GHR: variants seen among roughly 807,000 people sequenced by gnomAD.
The protein encoded by GHR is growth hormone receptor.
In GHR, 35 loss-of-function variants were observed where a neutral mutation model predicts 67.1. The ratio of observed to expected loss-of-function variants is 0.52; its 90% confidence interval spans 0.40 to 0.69. The LOEUF (loss-of-function observed/expected upper bound fraction) is 0.69. Ranked by LOEUF, GHR falls within the 30% of genes least tolerant of loss-of-function variation. The probability of loss-of-function intolerance (pLI) is 0.00; values close to 1 mark genes in which losing one functional copy is unlikely to be tolerated. For synonymous variants in GHR, 272 were observed against 269.1 expected (o/e 1.01, Z -0.10); for missense variants, 792 against 764.6 (o/e 1.04, Z -0.42).
intron 6 of GHR, among the ~76,000 whole-genome samples, chr5:42,700,658 T>C (rs563008744): frequency 1.3e-5 from 2 of 152,182 alleles, no homozygotes; most frequent in Non-Finnish European, 2.9e-5. Context: ...GCTCCCAATA[T>C]AACTAATTCT....
intron 1 of GHR, among the ~76,000 whole-genome samples, chr5:42,434,971 A>G (rs551973241): frequency 2.6e-5 from 4 of 152,318 alleles, no homozygotes; most frequent in African/African-American, 9.6e-5. Flanking sequence ...CTCTCAGCCA[A>G]TTAAACTCTC....
At chr5:42,496,364 G>T (rs1347912944) in intron 1 of GHR, among the ~76,000 whole-genome samples, 6 of 152,014 alleles carry the variant, frequency 3.9e-5, no homozygotes, top group Admixed American at 3.9e-4. Context: ...AGAAGGTTTA[G>T]CAAATTGGAG....
intron 2 of GHR, among the ~76,000 whole-genome samples, chr5:42,623,194 C>G (rs917697225): frequency 6.6e-6 from 1 of 151,934 alleles, no homozygotes; most frequent in African/African-American, 2.4e-5. Context: ...TATATAGATA[C>G]TTTTACTCTC....
chr5:42,669,741 G>T (rs72754967), intron 3 of GHR, among the ~76,000 whole-genome samples: 6,325 of 152,080 alleles, frequency 0.042, 193 homozygotes, highest in Non-Finnish European at 0.061. Flanking sequence ...ACAACAAACT[G>T]TATGAAAAAG....
intron 1 of GHR, among the ~76,000 whole-genome samples, chr5:42,513,616 C>T (rs182104597): frequency 3.4e-4 from 51 of 152,194 alleles, no homozygotes; most frequent in African/African-American, 1.1e-3. Flanking sequence ...AACCTTGTCG[C>T]TACTGAAAAT....
At chr5:42,545,532 A>G (rs987635541) in intron 1 of GHR, among the ~76,000 whole-genome samples, 1 of 152,200 alleles carries the variant, frequency 6.6e-6, no homozygotes, top group Non-Finnish European at 1.5e-5. Flanking sequence ...AGAAAAAAAT[A>G]TCAAAATTAG....
chr5:42,717,722 T>A (rs1454348860), intron 8 of GHR, among the ~76,000 whole-genome samples: 1 of 152,192 alleles, frequency 6.6e-6, no homozygotes, highest in East Asian at 1.9e-4. Flanking sequence ...CAGCTTTAGA[T>A]GAAATTAAAT....
At chr5:42,474,336 A>AGAGAAAGAAAGAAG (rs1745194503) in intron 1 of GHR, among the ~76,000 whole-genome samples, 1 of 147,706 alleles carries the variant, frequency 6.8e-6, no homozygotes, top group African/African-American at 2.4e-5. Context: ...AAAGAAAGAA[A>AGAGAAAGAAAGAAG]GAAAAGAAAT....
intron 2 of GHR, among the ~76,000 whole-genome samples, chr5:42,586,601 C>A (rs1269402557): frequency 6.6e-6 from 1 of 152,264 alleles, no homozygotes; most frequent in East Asian, 1.9e-4. Context: ...AATTGTTGCT[C>A]TTAGCTGCTC....
At position 42,601,646 on chromosome 5, in the gene GHR, C is replaced by G. The variant is rs36015454; in HGVS notation, c.71-27392C>G. On this transcript the variant is annotated intron_variant, in intron 2 of 9. Coordinates refer to ENST00000230882, the MANE Select transcript of GHR (RefSeq NM_000163.5). ...CAAATGGAATTTTCCTACTAGTATT[C>G]TGCTTTCTCTAATCCTTGACAGGAC... is the stretch of plus-strand genomic sequence containing the variant. Among the ~76,000 whole-genome samples the G allele has an allele frequency of 3.3e-5, 5 of 152,218 alleles. No individual in the cohort carries two copies. The East Asian group carries it at 9.6e-4, about 29-fold the overall frequency.
At chr5:42,708,385 T>C (rs1281102772) in intron 6 of GHR, among the ~76,000 whole-genome samples, 1 of 152,148 alleles carries the variant, frequency 6.6e-6, no homozygotes, top group Non-Finnish European at 1.5e-5. Flanking sequence ...TTTGCAAAAA[T>C]GTAAAACAGT....
chr5:42,579,151 T>TATAGATGATAG (rs1751003637), intron 2 of GHR, among the ~76,000 whole-genome samples: 13 of 88,246 alleles, frequency 1.5e-4, no homozygotes, highest in Non-Finnish European at 1.2e-4. Context: ...GATAGATAGA[T>TATAGATGATAG]ATAGATAGAT....
chr5:42,644,295 C>A (rs1754623740), intron 3 of GHR, among the ~76,000 whole-genome samples: 2 of 152,136 alleles, frequency 1.3e-5, no homozygotes, highest in African/African-American at 4.8e-5. Context: ...ATGATGTATT[C>A]TTTCCATGAG....
intron 2 of GHR, among the ~76,000 whole-genome samples, chr5:42,604,092 T>A (rs1445213858): frequency 6.6e-6 from 1 of 152,164 alleles, no homozygotes; most frequent in African/African-American, 2.4e-5. Flanking sequence ...ATGTCTAGGG[T>A]AAGGTCAGGA....
At chr5:42,600,425 T>C (rs1752314943) in intron 2 of GHR, among the ~76,000 whole-genome samples, 2 of 152,236 alleles carry the variant, frequency 1.3e-5, no homozygotes, top group Admixed American at 6.5e-5. Context: ...TTGTTTCCCA[T>C]GGGACCAGGA....
intron 1 of GHR, among the ~76,000 whole-genome samples, chr5:42,498,641 C>T (rs1053306387): frequency 2.0e-5 from 3 of 152,156 alleles, no homozygotes; most frequent in Non-Finnish European, 4.4e-5. Context: ...AAAGAAGGTG[C>T]AGAGTAAAAG....
At chr5:42,498,346 G>C (rs1746404533) in intron 1 of GHR, among the ~76,000 whole-genome samples, 1 of 152,166 alleles carries the variant, frequency 6.6e-6, no homozygotes, top group South Asian at 2.1e-4. Context: ...GATTGGAAGG[G>C]TAAAAGGGAG....
chr5:42,657,289 TG>T (rs1235979238), intron 3 of GHR, among the ~76,000 whole-genome samples: 1 of 152,156 alleles, frequency 6.6e-6, no homozygotes, highest in Non-Finnish European at 1.5e-5. Flanking sequence ...TAAAATGAAA[TG>T]GTAGGTCCAG....
intron 3 of GHR, among the ~76,000 whole-genome samples, chr5:42,671,969 A>AG (rs1554035047): frequency 3.3e-5 from 5 of 151,296 alleles, no homozygotes; most frequent in South Asian, 2.1e-4. Context: ...AAAAAAAAAA[A>AG]AAAGAAACTA....
Sources: allele counts gnomAD v4.1 joint callset (sites outside exome capture counted in the v4.1 genomes callset), GRCh38; gene constraint gnomAD v4.1.1; transcripts MANE v1.5; gene names NCBI Gene and HGNC (gene_info 2026-07-23, HGNC 2026-07-21).